The following GINM1 variants were observed in gnomAD, a reference collection of about 807,000 sequenced individuals.
GINM1 encodes the protein glycosylated integral membrane protein 1.
Under a neutral mutation model 37.8 loss-of-function variants are expected in GINM1, and 29 were observed. The observed-to-expected ratio is 0.77, with a 90% confidence interval of 0.57 to 1.05. The LOEUF (loss-of-function observed/expected upper bound fraction) is 1.05. GINM1 is among the 50% of genes least tolerant of loss of function. GINM1 has a pLI of 0.00. For synonymous variants in GINM1, 143 were observed against 146.2 expected (o/e 0.98, Z 0.16); for missense variants, 377 against 397.9 (o/e 0.95, Z 0.45).
In GINM1 at chr6:149,572,608, G is replaced by A. The variant is rs758177992; in HGVS notation, c.277+5G>A. On this transcript the variant is annotated splice_donor_5th_base_variant and intron_variant, in intron 3 of 7. Transcript: ENST00000367419. The stretch of plus-strand genomic sequence containing the variant: ...TAAGCTGTCAGACTTTGATAGGTGA[G>A]TATTACTAAATTATTTCCATAATTG... 9 of 1,460,174 alleles carry A rather than the reference G, an allele frequency of 6.2e-6. No individual in the cohort carries two copies. The highest frequency in any genetic ancestry group is 1.2e-5 in the South Asian group (1 of 86,416). The allele number at this position is 1,460,174 out of a possible 1,614,324, so 90.5% of individuals were successfully genotyped here. A position where few individuals can be genotyped will look rare whatever the true frequency, so the allele number is the denominator to read the frequency against.
intron 1 of GINM1, among the ~76,000 whole-genome samples, chr6:149,569,021 T>G (rs921862210): frequency 1.3e-5 from 2 of 151,234 alleles, no homozygotes; most frequent in Admixed American, 6.6e-5. Flanking sequence ...TATTTTTATT[T>G]TTTTATTTTT....
intron 7 of GINM1, among the ~76,000 whole-genome samples, chr6:149,583,335 C>T (rs947847697): frequency 7.2e-4 from 110 of 152,126 alleles, no homozygotes; most frequent in African/African-American, 2.3e-3. Context: ...TGGTGGCAGG[C>T]GCCTGTAGTC....
chr6:149,590,782 T>C lies in GINM1; in HGVS notation c.937T>C (p.Tyr313His), dbSNP rs1273492020. ...DVIPVTAINL[Y>H]PDGPEKRAEN... Reference sequence around the variant, plus strand: ...CATACCTGTGACAGCTATCAACTTATATCCAGATGGTCCAGAGAAAAGAGC... The same window carrying C: ...CATACCTGTGACAGCTATCAACTTACATCCAGATGGTCCAGAGAAAAGAGC... The change falls in exon 8 of 8, where the codon TAT (tyrosine) becomes CAT (histidine). Residue 313 changes from tyrosine (Y) to histidine (H), a missense_variant. By Grantham distance (83) the Tyr-to-His change is moderately conservative (BLOSUM62 2). Transcript: ENST00000367419. 5 of 1,606,316 alleles carry C rather than the reference T, an allele frequency of 3.1e-6. No individual in the cohort carries two copies. The highest frequency in any genetic ancestry group is 2.7e-5 in the African/African-American group (2 of 74,760).
intron 5 of GINM1, among the ~76,000 whole-genome samples, chr6:149,580,388 AT>A: frequency 6.6e-6 from 1 of 152,362 alleles, no homozygotes; most frequent in Middle Eastern, 3.4e-3. Flanking sequence ...ATGTGACAGA[AT>A]CATAACTGCT....
intron 3 of GINM1, among the ~76,000 whole-genome samples, chr6:149,573,838 T>A (rs187422745): frequency 0.011 from 1,606 of 148,482 alleles, 30 homozygotes; most frequent in African/African-American, 0.038. Context: ...AAAAAAAAAA[T>A]GTGCATAAAG....
chr6:149,566,649 C>A lies in GINM1; in HGVS notation c.120+115C>A. ...CGGCGGGCAGGGGCGGGGGTCCGGG[C>A]CCCCGAAGGAGGTGTGGGGAGAAGC... On this transcript the variant is annotated intron_variant, in intron 1 of 7. Transcript: ENST00000367419. This position sits in a 1 kb window ranked among gnomAD's most constrained non-coding sequence, Gnocchi z 4.4. 1 of 1,320,042 alleles carries A rather than the reference C, an allele frequency of 7.6e-7. No homozygotes were observed. The highest frequency in any genetic ancestry group is 3.4e-5 in the Admixed American group (1 of 29,586). 81.8% of individuals were successfully genotyped at this position (1,320,042 alleles called of 1,614,324 possible). A position where few individuals can be genotyped will look rare whatever the true frequency, so the allele number is the denominator to read the frequency against.
chr6:149,573,138 C>G (rs1777856467), intron 3 of GINM1, among the ~76,000 whole-genome samples: 1 of 151,976 alleles, frequency 6.6e-6, no homozygotes, highest in South Asian at 2.1e-4. Flanking sequence ...AACTGGCCAA[C>G]ACGGTGAAAC....
chr6:149,571,247 G>A (rs1037823381), intron 1 of GINM1, among the ~76,000 whole-genome samples: 4 of 151,480 alleles, frequency 2.6e-5, no homozygotes, highest in African/African-American at 9.7e-5. Flanking sequence ...CCCGGGAGGC[G>A]GAGATTGCAG....
At chr6:149,579,624 G>A (rs796181557) in intron 4 of GINM1, among the ~76,000 whole-genome samples, 21 of 151,960 alleles carry the variant, frequency 1.4e-4, no homozygotes, top group African/African-American at 4.3e-4. Context: ...CCCAGAAGGC[G>A]GAGGTTGCGG....
intron 3 of GINM1, among the ~76,000 whole-genome samples, 190 bp from the exon 4 acceptor site, chr6:149,578,632 T>C (rs1187051380): frequency 6.6e-6 from 1 of 151,940 alleles, no homozygotes; most frequent in Non-Finnish European, 1.5e-5. Context: ...GTGTAAGCAG[T>C]CATAAAGATT....
chr6:149,570,152 A>ATATG (rs1777791451), intron 1 of GINM1, among the ~76,000 whole-genome samples: 1 of 31,266 alleles, frequency 3.2e-5, no homozygotes, highest in Admixed American at 3.0e-4. Flanking sequence ...ATATATATAT[A>ATATG]TATATATATA....
intron 7 of GINM1, among the ~76,000 whole-genome samples, chr6:149,589,972 TTTC>T (rs1778130367): frequency 1.3e-5 from 2 of 152,144 alleles, no homozygotes; most frequent in Admixed American, 1.3e-4. Context: ...CAGCTAATTT[TTTC>T]TATTTTTAGT....
Position 149,578,821 on chromosome 6 carries a change from G to C in GINM1, c.278-1G>C, listed in dbSNP as rs1485511339. The C allele has an allele frequency of 7.8e-6, 12 of 1,548,104 alleles. No individual in the cohort carries two copies. The highest frequency in any genetic ancestry group is 1.4e-5 in the African/African-American group (1 of 71,992). ...AGGTGTCACTACTTTTTTTTTTATA[G>C]TGAAGAATGAAAATCTTGAAAATTT... On this transcript the variant is annotated splice_acceptor_variant, in intron 3 of 7. Transcript: ENST00000367419. LOFTEE classifies it high-confidence loss of function.
Position 149,580,674 on chromosome 6 carries a change from G to T in GINM1, c.668G>T (p.Gly223Val). 1.2e-6 allele frequency: 2 copies of T among 1,613,696 alleles called. No individual in the cohort carries two copies. Among genetic ancestry groups the T allele is most frequent in the Middle Eastern group, 1.6e-4 (1 of 6,062 alleles). Residue 223 changes from glycine to valine, a missense_variant, in exon 6 of 8, where the codon GGC (glycine) becomes GTC (valine). Transcript: ENST00000367419. ...ACTGTAGATGAAGATGTTTTACCTG[G>T]CAAGTTACCTGAAACTCCTCTCAGA... ...ETTVDEDVLP[G>V]KLPETPLRAE...
chr6:149,575,741 C>T (rs185855101), intron 3 of GINM1, among the ~76,000 whole-genome samples: 3 of 152,232 alleles, frequency 2.0e-5, no homozygotes, highest in Admixed American at 6.5e-5. Context: ...GCAAGCTGAT[C>T]CATGGTAGCT....
chr6:149,568,946 C>T (rs574517268), intron 1 of GINM1, among the ~76,000 whole-genome samples: 76 of 151,700 alleles, frequency 5.0e-4, no homozygotes, highest in Non-Finnish European at 7.5e-4. Context: ...ATTCTCCTAT[C>T]TCAGCCTCCT....
chr6:149,570,624 T>C (rs1426364746), intron 1 of GINM1, among the ~76,000 whole-genome samples: 1 of 152,162 alleles, frequency 6.6e-6, no homozygotes, highest in African/African-American at 2.4e-5. Context: ...CTCATGAAAT[T>C]TCATCAGTCT....
chr6:149,573,824 C>CAA (rs879422654), intron 3 of GINM1, among the ~76,000 whole-genome samples: 1 of 126,990 alleles, frequency 7.9e-6, no homozygotes, highest in African/African-American at 2.9e-5. Context: ...GACCCTGGCT[C>CAA]AAAAAAAAAA....
At chr6:149,567,886 C>T (rs535544087) in intron 1 of GINM1, among the ~76,000 whole-genome samples, 108 of 152,282 alleles carry the variant, frequency 7.1e-4, no homozygotes, top group African/African-American at 2.5e-3. Flanking sequence ...CTAAAAAGTT[C>T]TGGAAATACG....
Sources: allele counts gnomAD v4.1 joint callset (sites outside exome capture counted in the v4.1 genomes callset), GRCh38; gene constraint gnomAD v4.1.1; non-coding constraint Gnocchi (gnomAD v3.1); transcripts MANE v1.5; gene names NCBI Gene and HGNC (gene_info 2026-07-23, HGNC 2026-07-21).